Variants in VCAN observed in about 807,000 individuals in gnomAD.
VCAN encodes versican core protein.
Under a neutral mutation model 245.5 loss-of-function variants are expected in VCAN, and 44 were observed. That is an observed-to-expected ratio of 0.18 (90% CI 0.14 to 0.23). The LOEUF (loss-of-function observed/expected upper bound fraction) is 0.23. VCAN is among the 10% of genes least tolerant of loss of function. The pLI is 1.00. For missense variants in VCAN, 3,793 were observed against 4,057.9 expected (o/e 0.93, Z 1.77); for synonymous variants, 1,413 against 1,437.0 (o/e 0.98, Z 0.38).
At chr5:83,548,910 G>A (rs1187820498) in intron 10 of VCAN, among the ~76,000 whole-genome samples, 4 of 152,180 alleles carry the variant, frequency 2.6e-5, no homozygotes, top group Admixed American at 6.5e-5. Context: ...TAATCTGGAT[G>A]TCACTGCGAT....
chr5:83,501,819 G>A (rs1424722120), intron 5 of VCAN, among the ~76,000 whole-genome samples: 1 of 152,086 alleles, frequency 6.6e-6, no homozygotes, highest in African/African-American at 2.4e-5. Flanking sequence ...GTCAATTTCT[G>A]CAAAGAAGCC....
At position 83,519,418 on chromosome 5, in the gene VCAN, C is replaced by G; in HGVS notation, c.1112C>G (p.Pro371Arg). Residue 371 changes from proline to arginine, a missense_variant, in exon 7 of 15, where the codon CCA (proline) becomes CGA (arginine). Physicochemically the swap from Pro to Arg is moderately radical, Grantham distance 103 (BLOSUM62 -2). Coordinates refer to ENST00000265077, the MANE Select transcript of VCAN (RefSeq NM_004385.5). ...GCATCACCCAGTTTATCCAAAGAAC[C>G]ACAAATGGTTTCTGATAGAACTACA... ...ETASPSLSKE[P>R]QMVSDRTTPI... is the part of the protein sequence containing the mutation. 6.2e-7 allele frequency: 1 copy of G among 1,614,094 alleles called. No homozygotes were observed. Among genetic ancestry groups the G allele is most frequent in the Non-Finnish European group, 8.5e-7 (1 of 1,179,940 alleles).
intron 5 of VCAN, among the ~76,000 whole-genome samples, chr5:83,505,104 A>C (rs1745444721): frequency 1.3e-5 from 2 of 152,038 alleles, no homozygotes; most frequent in African/African-American, 2.4e-5. Context: ...TCAAGTTGAG[A>C]TTTGGGTGGG....
At position 83,512,208 on chromosome 5, in the gene VCAN, C is replaced by G. The variant is rs144939909; in HGVS notation, c.854C>G (p.Ala285Gly). 6.2e-7 allele frequency: 1 copy of G among 1,614,080 alleles called. No individual in the cohort carries two copies. Among genetic ancestry groups the G allele is most frequent in the East Asian group, 2.2e-5 (1 of 44,872 alleles). The change falls in exon 6 of 15, where the codon GCG becomes GGG. Residue 285 changes from alanine (A) to glycine (G), a missense_variant. Around this residue, in one of 5 missense-constraint regions of VCAN, gnomAD observed 190 missense variants for 288.6 expected, o/e 0.66. Transcript: ENST00000265077. Reference sequence around the variant, plus strand: ...CTGGCAACAGTGGGGGAACTCCAGGCGGCATGGAGGAACGGCTTTGACCAG... The same window carrying G: ...CTGGCAACAGTGGGGGAACTCCAGGGGGCATGGAGGAACGGCTTTGACCAG... Reference protein sequence around the residue: ...ARLATVGELQAAWRNGFDQCD... With the variant: ...ARLATVGELQGAWRNGFDQCD...
rs1023525030 is a variant in VCAN, at chr5:83,574,970, T to C, written c.9880+2410T>C. 9.8e-5 allele frequency among the ~76,000 whole-genome samples: 15 copies of C among 152,304 alleles called. 1 individual carries two copies. The highest frequency in any genetic ancestry group is 5.2e-4 in the Admixed American group (8 of 15,288). On this transcript the variant is annotated intron_variant, in intron 13 of 14. Coordinates refer to ENST00000265077, the MANE Select transcript of VCAN (RefSeq NM_004385.5). ...AAACAAATAGAAATTCTGTAAAATA[T>C]TTTAACCTATTTGCAATTAATAATG...
In VCAN at chr5:83,541,540, C is replaced by T; in HGVS notation, c.8537C>T (p.Pro2846Leu). The T allele has an allele frequency of 6.2e-7, 1 of 1,614,010 alleles. No homozygotes were observed. Among genetic ancestry groups the T allele is most frequent in the South Asian group, 1.1e-5 (1 of 91,084 alleles). Residue 2846 changes from proline (P) to leucine (L), a missense_variant, in exon 8 of 15, where the codon CCC (proline) becomes CTC (leucine). Pro to Leu is a moderately conservative substitution (Grantham distance 98, BLOSUM62 -3). This residue lies in a region of VCAN where 3,182 missense variants were observed against 3,250.3 expected (regional missense o/e 0.98). Transcript: ENST00000265077. ...TCTGGACACACAGAGATCCCCCAGCCCAGTGCTCTGCCAGGAATAGACGTC... is the reference window on the plus strand; with the variant it reads ...TCTGGACACACAGAGATCCCCCAGCTCAGTGCTCTGCCAGGAATAGACGTC... ...EASGHTEIPQ[P>L]SALPGIDVGS...
chr5:83,519,272 G>C, intron 6 of VCAN, 77 bp from the exon 7 acceptor site: 2 of 1,484,464 alleles, frequency 1.3e-6, no homozygotes, highest in Non-Finnish European at 1.9e-6. Context: ...AAATACTCAG[G>C]AGCACTTAAC....
chr5:83,572,427 T>G lies in VCAN; in HGVS notation c.9747T>G (p.Asn3249Lys). ...CTCCATTTTTACAGCAATACGAGAATTGGAGACCCAACCAGCCAGACAGCT... is the reference window on the plus strand; with the variant it reads ...CTCCATTTTTACAGCAATACGAGAAGTGGAGACCCAACCAGCCAGACAGCT... ...WTDGSTLQYENWRPNQPDSFF... is the reference protein window; with the variant it reads ...WTDGSTLQYEKWRPNQPDSFF... Residue 3249 changes from asparagine (N) to lysine (K), a missense_variant, in exon 13 of 15, where the codon AAT (asparagine) becomes AAG (lysine). By Grantham distance (94) the Asn-to-Lys change is moderately conservative. This residue lies in a region of VCAN where 205 missense variants were observed against 321.1 expected (regional missense o/e 0.64). Coordinates refer to ENST00000265077, the MANE Select transcript of VCAN (RefSeq NM_004385.5). The G allele has an allele frequency of 6.2e-7, 1 of 1,613,866 alleles. No individual in the cohort carries two copies. The highest frequency in any genetic ancestry group is 8.5e-7 in the Non-Finnish European group (1 of 1,179,834).
rs558387775 is a variant in VCAN at position 83,526,551 on chromosome 5, A to G, written c.4003+4242A>G. On this transcript the variant is annotated intron_variant, in intron 7 of 14. Coordinates refer to ENST00000265077, the MANE Select transcript of VCAN (RefSeq NM_004385.5). ...AACATGTACCTCACAACACAGCTAGAAAAAGAATGATATCTAGACCATTCA... is the reference window on the plus strand; with the variant it reads ...AACATGTACCTCACAACACAGCTAGGAAAAGAATGATATCTAGACCATTCA... Among the ~76,000 whole-genome samples the G allele has an allele frequency of 1.9e-4, 29 of 152,346 alleles. 2 individuals are homozygous for G. In the South Asian group the frequency reaches 6.0e-3, roughly 32 times the overall value.
At chr5:83,543,435 T>C (rs1249744099) in intron 8 of VCAN, among the ~76,000 whole-genome samples, 1 of 152,232 alleles carries the variant, frequency 6.6e-6, no homozygotes, top group Non-Finnish European at 1.5e-5. Context: ...AAATTATTCT[T>C]CTGATCATAT....
chr5:83,543,355 T>C (rs1383270725), intron 8 of VCAN, among the ~76,000 whole-genome samples: 1 of 152,210 alleles, frequency 6.6e-6, no homozygotes, highest in Non-Finnish European at 1.5e-5. Context: ...GAAAAATCAG[T>C]ACTTTAATGT....
intron 13 of VCAN, among the ~76,000 whole-genome samples, chr5:83,578,543 C>A (rs1335248064): frequency 2.6e-5 from 4 of 151,822 alleles, no homozygotes; most frequent in Non-Finnish European, 5.9e-5. Context: ...ATTAGAAGAA[C>A]CAAACATTTA....
At chr5:83,536,963 C>A (rs1473268029) in intron 7 of VCAN, 44 bp from the exon 8 acceptor site, 1 of 1,526,790 alleles carries the variant, frequency 6.5e-7, no homozygotes, top group Non-Finnish European at 8.8e-7. Flanking sequence ...TCATACACTG[C>A]CAAATTTTCT....
rs1748692332 is a variant in VCAN at position 83,581,997 on chromosome 5, G to A, written c.*1563G>A. On this transcript the variant is annotated 3_prime_UTR_variant, in exon 15 of 15. Transcript: ENST00000265077. ...ATTCTTTTTTTATAAAACCTCCTTT[G>A]GCTTAGAAGGAATGACTCTAGCTAC... 1 of 152,048 alleles carries A rather than the reference G, an allele frequency of 6.6e-6. No individual in the cohort carries two copies. 9.4% of individuals were successfully genotyped at this position (152,048 alleles called of 1,614,324 possible).
intron 12 of VCAN, among the ~76,000 whole-genome samples, chr5:83,564,682 T>C (rs1009202812): frequency 1.1e-5 from 1 of 87,270 alleles, no homozygotes; most frequent in Non-Finnish European, 2.4e-5. Context: ...TTTTTAGATG[T>C]TTTTTTTTTT....
At chr5:83,507,061 A>G (rs1464888888) in intron 5 of VCAN, among the ~76,000 whole-genome samples, 2 of 152,244 alleles carry the variant, frequency 1.3e-5, no homozygotes, top group African/African-American at 4.8e-5. Flanking sequence ...GCCAAATCAT[A>G]TCACTTGACA....
intron 5 of VCAN, among the ~76,000 whole-genome samples, chr5:83,507,731 C>T (rs1745524805): frequency 2.0e-5 from 3 of 152,222 alleles, no homozygotes; most frequent in Admixed American, 2.0e-4. Flanking sequence ...AATTCTATTA[C>T]TGGCCCAGAC....
chr5:83,575,975 T>C (rs375759043), intron 13 of VCAN, among the ~76,000 whole-genome samples: 1 of 152,220 alleles, frequency 6.6e-6, no homozygotes. Flanking sequence ...AGTTTTTAAA[T>C]GTTTATAGGC....
chr5:83,554,098 A>G (rs1037899229), intron 11 of VCAN, among the ~76,000 whole-genome samples: 1 of 152,240 alleles, frequency 6.6e-6, no homozygotes, highest in Admixed American at 6.5e-5. Context: ...GAGCTGTTTA[A>G]TAACTCCTTC....
Sources: allele counts gnomAD v4.1 joint callset (sites outside exome capture counted in the v4.1 genomes callset), GRCh38; gene constraint gnomAD v4.1.1; regional missense constraint gnomAD v4.1.1; transcripts MANE v1.5; gene names NCBI Gene and HGNC (gene_info 2026-07-23, HGNC 2026-07-21).